DMD: variants seen among roughly 807,000 people sequenced by gnomAD.
DMD encodes dystrophin.
In DMD, 63 loss-of-function variants were observed where a neutral mutation model predicts 330.1. That is an observed-to-expected ratio of 0.19 (90% CI 0.16 to 0.24). DMD has a LOEUF of 0.24. Among genes scored for constraint, DMD ranks in the 10% least tolerant of loss-of-function variants. The pLI, the probability that DMD is intolerant of heterozygous loss-of-function variation, is 1.00. For missense variants in DMD, 3,344 were observed against 2,684.1 expected (o/e 1.25, Z -5.43); for synonymous variants, 1,223 against 959.8 (o/e 1.27, Z -5.07).
chrX:32,818,470 C>T (rs1368475387), intron 5 of DMD, among the ~76,000 whole-genome samples: 2 of 111,669 alleles, frequency 1.8e-5, no homozygotes, highest in Non-Finnish European at 1.9e-5. Context: ...AGCTGGTCCC[C>T]AAAGGTGAGC....
intron 9 of DMD, among the ~76,000 whole-genome samples, chrX:32,695,211 G>C: frequency 8.9e-6 from 1 of 111,935 alleles, no homozygotes; most frequent in Non-Finnish European, 1.9e-5. Flanking sequence ...ACTATAATGA[G>C]CATGGGCATG....
intron 2 of DMD, among the ~76,000 whole-genome samples, chrX:32,949,596 TTG>T (rs1342840108): frequency 2.3e-4 from 26 of 111,471 alleles, no homozygotes; most frequent in African/African-American, 8.4e-4. Flanking sequence ...CATGCCACCA[TTG>T]TGTTAGTGTT....
At chrX:32,474,738 T>A (rs1426127557) in intron 21 of DMD, among the ~76,000 whole-genome samples, 3 of 111,669 alleles carry the variant, frequency 2.7e-5, no homozygotes, top group African/African-American at 9.8e-5. Context: ...GAGTTTGTTG[T>A]AGATTCTGGA....
intron 23 of DMD, among the ~76,000 whole-genome samples, chrX:32,466,630 G>A (rs2040054506): frequency 9.0e-6 from 1 of 111,144 alleles, no homozygotes; most frequent in Non-Finnish European, 1.9e-5. Flanking sequence ...AGTCAACACA[G>A]GGAACAGGAT....
intron 13 of DMD, among the ~76,000 whole-genome samples, chrX:32,586,312 G>T (rs974035547): frequency 9.2e-6 from 1 of 108,892 alleles, no homozygotes; most frequent in Non-Finnish European, 1.9e-5. Flanking sequence ...AGTGTGACAG[G>T]TGTTAATATA....
At chrX:32,968,718 A>C (rs1392440490) in intron 2 of DMD, among the ~76,000 whole-genome samples, 2 of 108,514 alleles carry the variant, frequency 1.8e-5, no homozygotes, top group Non-Finnish European at 3.8e-5. Flanking sequence ...TCATTATTGG[A>C]ATTAGTTGCC....
chrX:32,240,084 T>C (rs137932732), intron 43 of DMD, among the ~76,000 whole-genome samples: 2,081 of 111,815 alleles, frequency 0.019, 46 homozygotes, highest in African/African-American at 0.064. Flanking sequence ...AAATCCTTGA[T>C]TGTCTCTTAA....
At position 32,342,159 on chromosome X, in the gene DMD, G is replaced by A. The variant is rs377039314; in HGVS notation, c.5863C>T (p.Arg1955Cys). ...AATTTGCTCTCAATTTCCCGCCAGCGCTTGCTGAGCTGGATCTGAGTTGGC... is the reference window on the plus strand; with the variant it reads ...AATTTGCTCTCAATTTCCCGCCAGCACTTGCTGAGCTGGATCTGAGTTGGC... ...VEPTQIQLSKRWREIESKFAQ... is the reference protein window; with the variant it reads ...VEPTQIQLSKCWREIESKFAQ... Residue 1955 changes from arginine to cysteine, a missense_variant, in exon 41 of 79, where the codon CGC (arginine) becomes TGC (cysteine). Arg to Cys is a radical substitution (Grantham distance 180). Transcript: ENST00000357033. 1.3e-5 allele frequency: 16 copies of A among 1,207,947 alleles called. No individual in the cohort carries two copies. Among genetic ancestry groups the A allele is most frequent in the African/African-American group, 3.5e-5 (2 of 57,056 alleles).
At chrX:32,866,342 C>T (rs1448089367) in intron 2 of DMD, among the ~76,000 whole-genome samples, 1 of 112,249 alleles carries the variant, frequency 8.9e-6, no homozygotes, top group Non-Finnish European at 1.9e-5. Context: ...TTTTAACCTA[C>T]TGAGTTTCAA....
intron 37 of DMD, among the ~76,000 whole-genome samples, chrX:32,360,800 A>AAATAATAAT (rs199527400): frequency 0.36 from 34,143 of 95,632 alleles, 6,002 homozygotes; most frequent in East Asian, 0.63. Context: ...CACACACACA[A>AAATAATAAT]AATAATAATA....
At chrX:31,342,202 T>C (rs2057810230) in intron 61 of DMD, among the ~76,000 whole-genome samples, 1 of 111,870 alleles carries the variant, frequency 8.9e-6, no homozygotes, top group Non-Finnish European at 1.9e-5. Flanking sequence ...GGAACTTCAG[T>C]AAAGAGAGGG....
chrX:31,383,720 A>G (rs758846259), intron 60 of DMD, among the ~76,000 whole-genome samples: 2 of 111,942 alleles, frequency 1.8e-5, no homozygotes, highest in Admixed American at 9.4e-5. Context: ...GTTGGAAACT[A>G]TGGTTGTGCA....
chrX:31,248,108 G>A (rs1389027240), intron 63 of DMD, among the ~76,000 whole-genome samples: 3 of 112,111 alleles, frequency 2.7e-5, no homozygotes, highest in Non-Finnish European at 5.6e-5. Context: ...TCAGGTGATC[G>A]TTAGCTTTTT....
intron 59 of DMD, among the ~76,000 whole-genome samples, chrX:31,454,313 T>C (rs1431885243): frequency 1.8e-5 from 2 of 111,586 alleles, no homozygotes; most frequent in Non-Finnish European, 3.8e-5. Context: ...GGCTAATTTT[T>C]CTATTTTTAC....
At chrX:32,129,752 A>AGG (rs1214527265) in intron 44 of DMD, among the ~76,000 whole-genome samples, 4 of 107,728 alleles carry the variant, frequency 3.7e-5, no homozygotes, top group Non-Finnish European at 7.7e-5. Flanking sequence ...AGAGAGAGAG[A>AGG]GAGAAAATTG....
rs759021954 is a variant in DMD, at chrX:32,823,441, C to CAAT, written c.265-57_265-55dup. ...AGGTAAGAGACCAAATGCCTAGTTGCAATAATAATAATAATAAAAACGTGA... is the reference window on the plus strand; with the variant it reads ...AGGTAAGAGACCAAATGCCTAGTTGCAATAATAATAATAATAATAAAAACGTGA... On this transcript the variant is annotated intron_variant, in intron 4 of 78. Transcript: ENST00000357033. 45 of 772,084 alleles carry CAAT rather than the reference C, an allele frequency of 5.8e-5. No homozygotes were observed. In the East Asian group the frequency reaches 6.4e-4, roughly 11 times the overall value. 63.6% of individuals were successfully genotyped at this position (772,084 alleles called of 1,213,427 possible).
intron 9 of DMD, among the ~76,000 whole-genome samples, chrX:32,676,465 A>G (rs888078189): frequency 9.0e-5 from 10 of 111,273 alleles, no homozygotes; most frequent in African/African-American, 2.9e-4. Flanking sequence ...GTCTCACCAT[A>G]CCCTATTTTT....
chrX:32,251,300 C>T (rs1382693687), intron 43 of DMD, among the ~76,000 whole-genome samples: 2 of 111,321 alleles, frequency 1.8e-5, no homozygotes, highest in Non-Finnish European at 3.8e-5. Flanking sequence ...TATTTACATG[C>T]CTAGGTATCC....
intron 62 of DMD, among the ~76,000 whole-genome samples, chrX:31,276,268 G>A (rs969802149): frequency 1.8e-5 from 2 of 111,196 alleles, no homozygotes; most frequent in Non-Finnish European, 3.8e-5. Flanking sequence ...CATGTTGGCC[G>A]GGCTGGTGTC....
Sources: allele counts gnomAD v4.1 joint callset (sites outside exome capture counted in the v4.1 genomes callset), GRCh38; gene constraint gnomAD v4.1.1; transcripts MANE v1.5; gene names NCBI Gene and HGNC (gene_info 2026-07-23, HGNC 2026-07-21).